Variants in KCNK9 observed in about 807,000 individuals in gnomAD.
KCNK9 encodes potassium two pore domain channel subfamily K member 9.
A neutral mutation model predicts 10.8 loss-of-function variants in KCNK9; 1 was observed. The ratio of observed to expected loss-of-function variants is 0.09; its 90% CI spans 0.03 to 0.44. KCNK9 has a LOEUF of 0.44. Ranked by LOEUF, KCNK9 falls within the 20% of genes least tolerant of loss-of-function variation. The probability of loss-of-function intolerance (pLI) is 0.97; values close to 1 mark genes in which losing one functional copy is unlikely to be tolerated. For synonymous variants in KCNK9, 231 were observed against 222.7 expected (o/e 1.04, Z -0.33); for missense variants, 303 against 515.0 (o/e 0.59, Z 3.98).
intron 1 of KCNK9, among the ~76,000 whole-genome samples, chr8:139,677,984 C>G (rs1432414152): frequency 1.4e-5 from 2 of 147,532 alleles, no homozygotes; most frequent in East Asian, 3.9e-4. Context: ...ACCTCACATC[C>G]CAGCCCAACA....
chr8:139,662,322 G>T (rs1283014409), intron 1 of KCNK9, among the ~76,000 whole-genome samples: 4 of 152,212 alleles, frequency 2.6e-5, no homozygotes, highest in Admixed American at 2.0e-4. Flanking sequence ...CAAAGGCCTG[G>T]CTTGCTAGGG....
chr8:139,665,402 A>G (rs983179984), intron 1 of KCNK9, among the ~76,000 whole-genome samples: 2 of 152,154 alleles, frequency 1.3e-5, no homozygotes, highest in Non-Finnish European at 1.5e-5. Context: ...AAAGACGCTG[A>G]TATCACATTG....
chr8:139,661,246 G>T (rs563720700), intron 1 of KCNK9, among the ~76,000 whole-genome samples: 2 of 152,300 alleles, frequency 1.3e-5, no homozygotes, highest in South Asian at 4.1e-4. Flanking sequence ...CACACCATAT[G>T]CCCCACATCC....
chr8:139,632,361 C>A (rs1045711809), intron 1 of KCNK9, among the ~76,000 whole-genome samples: 7 of 152,218 alleles, frequency 4.6e-5, no homozygotes, highest in African/African-American at 1.7e-4. Context: ...GGAGTCAGCC[C>A]ACGCTGGAGT....
At chr8:139,640,072 C>G (rs916423572) in intron 1 of KCNK9, among the ~76,000 whole-genome samples, 1 of 152,194 alleles carries the variant, frequency 6.6e-6, no homozygotes. Context: ...ACACCCAACC[C>G]TGGCTCATCC....
chr8:139,660,461 T>C (rs1463414460), intron 1 of KCNK9, among the ~76,000 whole-genome samples: 1 of 148,272 alleles, frequency 6.7e-6, no homozygotes, highest in Non-Finnish European at 1.5e-5. Context: ...TATATATATA[T>C]ATATATATAT....
chr8:139,655,165 G>A (rs945779362), intron 1 of KCNK9, among the ~76,000 whole-genome samples: 1 of 152,016 alleles, frequency 6.6e-6, no homozygotes, highest in Non-Finnish European at 1.5e-5. Context: ...CAGTGACGAG[G>A]GAATGGGGTC....
chr8:139,665,616 C>T (rs947397142), intron 1 of KCNK9, among the ~76,000 whole-genome samples: 5 of 152,198 alleles, frequency 3.3e-5, no homozygotes, highest in Non-Finnish European at 7.3e-5. Context: ...GCCCACCTGC[C>T]GGAAGAGCTT....
chr8:139,645,755 G>A (rs1815655703), intron 1 of KCNK9, among the ~76,000 whole-genome samples: 1 of 152,174 alleles, frequency 6.6e-6, no homozygotes, highest in African/African-American at 2.4e-5. Flanking sequence ...CTGAGCACCT[G>A]CCCCGTGCAA....
At position 139,618,961 on chromosome 8, in the gene KCNK9, T is replaced by C. The variant is rs764990488; in HGVS notation, c.422A>G (p.Lys141Arg). Residue 141 changes from lysine to arginine, a missense_variant, in exon 2 of 2, where the codon AAG becomes AGG. Physicochemically the swap from Lys to Arg is conservative, Grantham distance 26. This residue lies in a region of KCNK9 where 32 missense variants were observed against 30.2 expected (regional missense o/e 1.06). Coordinates refer to ENST00000520439, the MANE Select transcript of KCNK9 (RefSeq NM_001282534.2). The surrounding 1 kb of genome is among the most constrained non-coding windows in gnomAD (Gnocchi z 7.9). Reference sequence around the variant, plus strand: ...CATGCCACAGCACTTCTTAATGCGCTTCAGCAGGTAGCGCACGAAGGTGTT... The same window carrying C: ...CATGCCACAGCACTTCTTAATGCGCCTCAGCAGGTAGCGCACGAAGGTGTT... ...RMNTFVRYLL[K>R]RIKKCCGMRN... 2 of 1,614,192 alleles carry C rather than the reference T, an allele frequency of 1.2e-6. No homozygotes were observed. Among genetic ancestry groups the C allele is most frequent in the South Asian group, 1.1e-5 (1 of 91,082 alleles).
At chr8:139,660,701 G>C (rs1217299585) in intron 1 of KCNK9, among the ~76,000 whole-genome samples, 1 of 152,118 alleles carries the variant, frequency 6.6e-6, no homozygotes, top group Non-Finnish European at 1.5e-5. Context: ...AGCATTTATT[G>C]ATTAACAATA....
chr8:139,689,260 C>T (rs1256775685), intron 1 of KCNK9, among the ~76,000 whole-genome samples: 1 of 152,214 alleles, frequency 6.6e-6, no homozygotes, highest in Non-Finnish European at 1.5e-5. Context: ...CCCCAGCAAA[C>T]TGAAACGAAT....
chr8:139,695,550 C>T (rs1817028950), intron 1 of KCNK9, among the ~76,000 whole-genome samples: 1 of 152,188 alleles, frequency 6.6e-6, no homozygotes, highest in African/African-American at 2.4e-5. Context: ...AGGTGGAGGT[C>T]CCCAGGTGGG....
downstream of KCNK9, among the ~76,000 whole-genome samples, chr8:139,609,860 A>G (rs947055474): frequency 6.6e-6 from 1 of 152,096 alleles, no homozygotes; most frequent in Non-Finnish European, 1.5e-5. Context: ...CGTCCTGTCC[A>G]TGGTGGACAC....
chr8:139,604,312 G>A (rs2471087), intron 2 of KCNK9, among the ~76,000 whole-genome samples: 7,237 of 152,260 alleles, frequency 0.048, 666 homozygotes, highest in East Asian at 0.39. Flanking sequence ...CAATAGACGT[G>A]TCAAGTGTTT....
At chr8:139,619,233 G>A (rs764637581) in intron 1 of KCNK9, 134 bp from the exon 2 acceptor site, 31 of 974,588 alleles carry the variant, frequency 3.2e-5, no homozygotes, top group Non-Finnish European at 4.7e-5. Context: ...CCTCTGCAGG[G>A]TAGAGGGGCG....
intron 1 of KCNK9, among the ~76,000 whole-genome samples, chr8:139,672,370 C>A (rs1426774090): frequency 6.6e-6 from 1 of 152,178 alleles, no homozygotes; most frequent in South Asian, 2.1e-4. Flanking sequence ...TAAGAGGGTG[C>A]TCTGGGGCCC....
intron 1 of KCNK9, among the ~76,000 whole-genome samples, chr8:139,673,777 A>G (rs548492847): frequency 6.6e-6 from 1 of 152,008 alleles, no homozygotes; most frequent in South Asian, 2.1e-4. Context: ...GGGGCCCCTC[A>G]GGGTGCTCTT....
At chr8:139,657,181 C>T (rs1253869533) in intron 1 of KCNK9, among the ~76,000 whole-genome samples, 1 of 152,204 alleles carries the variant, frequency 6.6e-6, no homozygotes, top group Non-Finnish European at 1.5e-5. Flanking sequence ...AAGGCAGGTG[C>T]TAGCTTGAGC....
Sources: gnomAD v4.1 joint callset for allele counts (sites outside exome capture counted in the v4.1 genomes callset) on GRCh38, gnomAD v4.1.1 for gene constraint, gnomAD v4.1.1 regional missense constraint, Gnocchi (gnomAD v3.1) non-coding constraint, MANE v1.5 for transcripts, NCBI Gene and HGNC (gene_info 2026-07-23, HGNC 2026-07-21) for gene names.